CNBD1: variants seen among roughly 807,000 people sequenced by gnomAD.
The protein encoded by CNBD1 is cyclic nucleotide-binding domain-containing protein 1.
Under a neutral mutation model 54.4 loss-of-function variants are expected in CNBD1, and 71 were observed. The observed-to-expected ratio is 1.30, with a 90% CI of 1.08 to 1.59. CNBD1 has a LOEUF of 1.59. Among genes scored for constraint, CNBD1 ranks in the 40% most tolerant of loss-of-function variants. The probability of loss-of-function intolerance (pLI) is 0.00; values close to 1 mark genes in which losing one functional copy is unlikely to be tolerated. For synonymous variants in CNBD1, 182 were observed against 170.7 expected (o/e 1.07, Z -0.51); for missense variants, 659 against 518.0 (o/e 1.27, Z -2.64).
chr8:87,420,409 G>A (rs72668658), intron 2 of CNBD1, among the ~76,000 whole-genome samples: 2,686 of 152,070 alleles, frequency 0.018, 41 homozygotes, highest in Non-Finnish European at 0.029. Context: ...TTCTTTTATG[G>A]CTATCATAAT....
chr8:86,881,518 AT>A (rs1212852346), intron 1 of CNBD1, among the ~76,000 whole-genome samples: 2 of 152,212 alleles, frequency 1.3e-5, no homozygotes, highest in African/African-American at 4.8e-5. Flanking sequence ...TAAATCAGAA[AT>A]GACACAAACA....
chr8:87,387,756 C>G (rs143049486), downstream of CNBD1, among the ~76,000 whole-genome samples: 56,254 of 151,958 alleles, frequency 0.37, 10,746 homozygotes, highest in Middle Eastern at 0.45. Context: ...CCAAGAGGAC[C>G]TAATAGACAT....
chr8:87,185,451 C>G (rs2130781346), intron 4 of CNBD1, among the ~76,000 whole-genome samples: 1 of 152,128 alleles, frequency 6.6e-6, no homozygotes, highest in East Asian at 1.9e-4. Context: ...GAACTTTGTT[C>G]CAAAATTAGT....
intron 9 of CNBD1, 106 bp from the exon 10 acceptor site, chr8:87,353,530 A>G: frequency 1.5e-6 from 1 of 687,226 alleles, no homozygotes; most frequent in Non-Finnish European, 2.4e-6. Context: ...TTTATTTTAA[A>G]TATCATTTAG....
chr8:87,004,550 A>G (rs556533775), intron 4 of CNBD1, among the ~76,000 whole-genome samples: 2 of 152,240 alleles, frequency 1.3e-5, no homozygotes, highest in Non-Finnish European at 2.9e-5. Flanking sequence ...TCTAAAAAAA[A>G]AAAACCCTGT....
intron 4 of CNBD1, among the ~76,000 whole-genome samples, chr8:87,150,904 C>T (rs1357510502): frequency 2.0e-5 from 3 of 152,132 alleles, no homozygotes; most frequent in Admixed American, 6.5e-5. Context: ...GAAAAAATTA[C>T]ATCTCAAGAA....
At chr8:87,038,157 A>G (rs1033984016) in intron 4 of CNBD1, among the ~76,000 whole-genome samples, 9 of 152,186 alleles carry the variant, frequency 5.9e-5, no homozygotes, top group East Asian at 1.9e-4. Context: ...GTCATCTACA[A>G]TTGAAAAGGA....
rs956309338 is a variant in CNBD1, at chr8:87,301,801, G to A, written c.1042+15130G>A. Among the ~76,000 whole-genome samples the A allele has an allele frequency of 2.0e-5, 3 of 151,954 alleles. No homozygotes were observed. In the South Asian group the frequency reaches 6.2e-4, roughly 32 times the overall value. The stretch of plus-strand genomic sequence containing the variant: ...ATAGAGGAAATAAAAAATGATAAAG[G>A]GGATATCACCACCAATCCCACAGAA... On this transcript the variant is annotated intron_variant, in intron 8 of 10. Coordinates refer to ENST00000518476, the MANE Select transcript of CNBD1 (RefSeq NM_173538.3).
At chr8:87,170,969 G>GT (rs950924531) in intron 4 of CNBD1, among the ~76,000 whole-genome samples, 83 of 152,068 alleles carry the variant, frequency 5.5e-4, no homozygotes, top group African/African-American at 1.9e-3. Context: ...TGGTCTGTAG[G>GT]TTTTTTTGTG....
At chr8:87,018,809 G>T (rs763507610) in intron 4 of CNBD1, among the ~76,000 whole-genome samples, 16 of 152,142 alleles carry the variant, frequency 1.1e-4, no homozygotes, top group Non-Finnish European at 2.1e-4. Flanking sequence ...AGGCACGTAA[G>T]ATTGTAAGGG....
chr8:87,296,061 G>A (rs1327428918), intron 8 of CNBD1, among the ~76,000 whole-genome samples: 1 of 151,820 alleles, frequency 6.6e-6, no homozygotes, highest in South Asian at 2.1e-4. Flanking sequence ...CTGTTTTTCT[G>A]TATATTCTAG....
chr8:87,353,214 C>T (rs1421404159), intron 9 of CNBD1, among the ~76,000 whole-genome samples: 1 of 152,192 alleles, frequency 6.6e-6, no homozygotes, highest in Non-Finnish European at 1.5e-5. Context: ...CGGTTCTGGC[C>T]CTGGCATTTT....
intron 4 of CNBD1, among the ~76,000 whole-genome samples, chr8:87,199,331 C>T (rs1813799646): frequency 1.3e-5 from 2 of 152,168 alleles, no homozygotes; most frequent in South Asian, 4.1e-4. Flanking sequence ...AGTTCAACAA[C>T]AGATTTGAGT....
intron 2 of CNBD1, among the ~76,000 whole-genome samples, chr8:87,409,919 A>G (rs1041609147): frequency 1.3e-5 from 2 of 152,016 alleles, no homozygotes; most frequent in Non-Finnish European, 2.9e-5. Context: ...GCTACTCAGG[A>G]GGCTGAGGCA....
chr8:87,135,297 G>C (rs192089238), intron 4 of CNBD1, among the ~76,000 whole-genome samples: 2 of 151,756 alleles, frequency 1.3e-5, no homozygotes, highest in Non-Finnish European at 2.9e-5. Flanking sequence ...CTAAGAGATG[G>C]AAAAGCAAAT....
At chr8:87,398,268 A>T (rs897447920) in intron 2 of CNBD1, among the ~76,000 whole-genome samples, 33 of 150,574 alleles carry the variant, frequency 2.2e-4, no homozygotes, top group African/African-American at 8.1e-4. Context: ...GATTTTGGTA[A>T]GTTTAAAAAT....
chr8:87,302,864 C>A (rs1251944980), intron 8 of CNBD1, among the ~76,000 whole-genome samples: 1 of 152,088 alleles, frequency 6.6e-6, no homozygotes, highest in Non-Finnish European at 1.5e-5. Flanking sequence ...AGAGCCAAAT[C>A]ATGAGTAAAC....
chr8:87,104,422 CT>C (rs1435894564), intron 4 of CNBD1, among the ~76,000 whole-genome samples: 2 of 152,230 alleles, frequency 1.3e-5, no homozygotes, highest in African/African-American at 4.8e-5. Context: ...AGATAGTCTA[CT>C]GAATTACTTG....
chr8:87,299,254 C>T (rs1808939434), intron 8 of CNBD1, among the ~76,000 whole-genome samples: 2 of 152,118 alleles, frequency 1.3e-5, no homozygotes, highest in Admixed American at 1.3e-4. Flanking sequence ...GATTATCCTT[C>T]CTTCCTCTCC....
Sources: gnomAD v4.1 joint callset for allele counts (sites outside exome capture counted in the v4.1 genomes callset) on GRCh38, gnomAD v4.1.1 for gene constraint, MANE v1.5 for transcripts, NCBI Gene and HGNC (gene_info 2026-07-23, HGNC 2026-07-21) for gene names.